Variants in DPP6 observed in about 807,000 individuals in gnomAD.
The protein encoded by DPP6 is dipeptidyl peptidase like 6.
Under a neutral mutation model 122.6 loss-of-function variants are expected in DPP6, and 69 were observed. The observed-to-expected ratio is 0.56, with a 90% CI of 0.46 to 0.69. DPP6 has a LOEUF of 0.69. Ranked by LOEUF, DPP6 falls within the 30% of genes least tolerant of loss-of-function variation. The probability of loss-of-function intolerance (pLI) is 0.00; values close to 1 mark genes in which losing one functional copy is unlikely to be tolerated. For synonymous variants in DPP6, 418 were observed against 433.1 expected (o/e 0.97, Z 0.43); for missense variants, 928 against 1,116.9 (o/e 0.83, Z 2.41).
intron 10 of DPP6, among the ~76,000 whole-genome samples, chr7:154,779,036 A>ACCT (rs1796810984): frequency 6.9e-5 from 10 of 145,754 alleles, no homozygotes; most frequent in South Asian, 2.2e-4. Context: ...CTCCACCACC[A>ACCT]CCACCACAAC....
At chr7:153,944,155 C>T (rs57100178) in intron 1 of DPP6, among the ~76,000 whole-genome samples, 2,942 of 152,262 alleles carry the variant, frequency 0.019, 92 homozygotes, top group African/African-American at 0.067. Flanking sequence ...GCCTCGTTAG[C>T]ACGCTCCTTC....
rs12532767 is a variant in DPP6 at position 154,697,298 on chromosome 7, C to T, written c.762+27857C>T. On this transcript the variant is annotated intron_variant, in intron 7 of 25. Coordinates refer to ENST00000377770, the MANE Select transcript of DPP6 (RefSeq NM_130797.4). Reference sequence around the variant, plus strand: ...CTTGGACAACCCAGGCCGCCATGACCGGAACCCCAGAACCTGCCCACGAGA... The same window carrying T: ...CTTGGACAACCCAGGCCGCCATGACTGGAACCCCAGAACCTGCCCACGAGA... Among the ~76,000 whole-genome samples the T allele has an allele frequency of 0.018, 2,781 of 152,298 alleles. 178 individuals carry two copies. In the East Asian group the frequency reaches 0.19, roughly 10 times the overall value.
In DPP6 at chr7:154,372,912, A is replaced by G. The variant is rs192042939; in HGVS notation, c.244-73302A>G. On this transcript the variant is annotated intron_variant, in intron 1 of 25. Transcript: ENST00000377770. ...CCACCACCCAGGCTGAGGCCTTTGC[A>G]GACAGAAATCAAACCTACCTGGATT... Among the ~76,000 whole-genome samples, 69 of 152,316 alleles carry G rather than the reference A, an allele frequency of 4.5e-4. 1 individual carries two copies. The East Asian group carries it at 0.012, about 26-fold the overall frequency.
At chr7:154,223,768 G>GGGGTGA (rs1161641576) in intron 1 of DPP6, among the ~76,000 whole-genome samples, 1 of 149,086 alleles carries the variant, frequency 6.7e-6, no homozygotes, top group African/African-American at 2.6e-5. Flanking sequence ...AGAGGCTCTT[G>GGGGTGA]GGGTGAGGGT....
the DPP6 span, among the ~76,000 whole-genome samples, chr7:153,842,784 C>G: frequency 6.6e-6 from 1 of 152,044 alleles, no homozygotes; most frequent in East Asian, 1.9e-4. Flanking sequence ...TGAAGTTATT[C>G]AGAGACAAAT....
rs142495489 is a variant in DPP6, at chr7:154,260,211, G to T, written c.244-186003G>T. On this transcript the variant is annotated intron_variant, in intron 1 of 25. Coordinates refer to ENST00000377770, the MANE Select transcript of DPP6 (RefSeq NM_130797.4). The stretch of plus-strand genomic sequence containing the variant: ...TGTGGGCTGGAGTCCATGGGTAGGA[G>T]TTGGGGCTTTATCCTCAGTTCCGTG... Among the ~76,000 whole-genome samples, 1,173 of 152,282 alleles carry T rather than the reference G, an allele frequency of 7.7e-3. 24 individuals carry two copies. Among genetic ancestry groups the T allele is most frequent in the African/African-American group, 0.025 (1,053 of 41,556 alleles).
At chr7:154,147,695 C>A (rs1248570265) in intron 1 of DPP6, among the ~76,000 whole-genome samples, 3 of 151,280 alleles carry the variant, frequency 2.0e-5, no homozygotes, top group Non-Finnish European at 4.4e-5. Flanking sequence ...TATATACACA[C>A]ACAAACACAT....
intron 1 of DPP6, among the ~76,000 whole-genome samples, chr7:154,132,742 C>T (rs1169623291): frequency 1.3e-5 from 2 of 152,104 alleles, no homozygotes; most frequent in Admixed American, 1.3e-4. Flanking sequence ...CATTGGGTGG[C>T]CCTGATTATC....
chr7:154,788,337 G>A (rs1474344373), intron 10 of DPP6, among the ~76,000 whole-genome samples: 1 of 151,922 alleles, frequency 6.6e-6, no homozygotes, highest in Non-Finnish European at 1.5e-5. Flanking sequence ...TCAGCTATTC[G>A]GGAGACTGAG....
intron 5 of DPP6, among the ~76,000 whole-genome samples, chr7:154,628,367 C>A (rs1835211567): frequency 6.6e-6 from 1 of 152,162 alleles, no homozygotes; most frequent in South Asian, 2.1e-4. Context: ...GACATCTATC[C>A]CTCTCCCCCG....
chr7:154,350,803 C>T (rs1305142481), intron 1 of DPP6, among the ~76,000 whole-genome samples: 2 of 152,174 alleles, frequency 1.3e-5, no homozygotes, highest in African/African-American at 4.8e-5. Flanking sequence ...AGGAGGAAAC[C>T]TCAAATCCGC....
chr7:154,447,069 A>G (rs906822914), intron 2 of DPP6, among the ~76,000 whole-genome samples: 6 of 152,058 alleles, frequency 3.9e-5, no homozygotes, highest in African/African-American at 1.4e-4. Context: ...ACTTTGGGGG[A>G]CTGAGGCGGG....
At chr7:154,707,422 C>T (rs899338164) in intron 7 of DPP6, among the ~76,000 whole-genome samples, 1 of 152,104 alleles carries the variant, frequency 6.6e-6, no homozygotes, top group African/African-American at 2.4e-5. Context: ...AATGAAAGAA[C>T]CAAGCATTCT....
At chr7:153,826,720 A>G in the DPP6 span, among the ~76,000 whole-genome samples, 3 of 152,216 alleles carry the variant, frequency 2.0e-5, no homozygotes, top group African/African-American at 7.2e-5. Context: ...AGAAACATCA[A>G]TATGGCTTCC....
chr7:154,377,064 C>T (rs932611662), intron 1 of DPP6, among the ~76,000 whole-genome samples: 15 of 152,098 alleles, frequency 9.9e-5, no homozygotes, highest in African/African-American at 3.1e-4. Context: ...TTGACTACTG[C>T]GTGCTTAAGA....
At position 154,637,859 on chromosome 7, in the gene DPP6, C is replaced by T. The variant is rs78772149; in HGVS notation, c.666C>T (p.Ser222=). 8,788 of 1,576,400 alleles carry T rather than the reference C, an allele frequency of 5.6e-3. 34 individuals carry two copies. The highest frequency in any genetic ancestry group is 7.0e-3 in the Non-Finnish European group (8,069 of 1,158,992). ...QHSYTGYYVL[S]KIPHGDPQSL... is the part of the protein sequence containing the mutation. ...CGTATACTGGATATTACGTCCTGAG[C>T]AAAATTCCTCATGGGTAAGAGTGTT... The change falls in exon 6 of 26, where the codon AGC becomes AGT. Residue 222 remains serine, a synonymous_variant. Transcript: ENST00000377770.
chr7:154,148,408 C>T (rs1165459191), intron 1 of DPP6, among the ~76,000 whole-genome samples: 3 of 151,108 alleles, frequency 2.0e-5, no homozygotes, highest in African/African-American at 7.3e-5. Context: ...CTGAGGGAAC[C>T]GGGAGGTGTT....
At chr7:153,849,594 A>G in the DPP6 span, among the ~76,000 whole-genome samples, 1 of 152,130 alleles carries the variant, frequency 6.6e-6, no homozygotes, top group South Asian at 2.1e-4. Context: ...TTATTCCAAA[A>G]GTCTATTTAG....
At chr7:154,184,533 C>T (rs1465487288) in intron 1 of DPP6, among the ~76,000 whole-genome samples, 6 of 152,056 alleles carry the variant, frequency 3.9e-5, no homozygotes, top group African/African-American at 1.2e-4. Flanking sequence ...GACGTCCTAG[C>T]AGCTGCAAGG....
Sources: allele counts gnomAD v4.1 joint callset (sites outside exome capture counted in the v4.1 genomes callset), GRCh38; gene constraint gnomAD v4.1.1; transcripts MANE v1.5; gene names NCBI Gene and HGNC (gene_info 2026-07-23, HGNC 2026-07-21).